The following DCHS2 variants were observed in gnomAD, a reference collection of about 807,000 sequenced individuals.
DCHS2 encodes dachsous cadherin-related 2, also known as protocadherin-23.
DCHS2 carries 142 observed loss-of-function variants against 182.4 expected under a neutral mutation model. The observed-to-expected ratio is 0.78, with a 90% CI of 0.68 to 0.89. The LOEUF (loss-of-function observed/expected upper bound fraction) is 0.89, where lower values mean the gene tolerates loss of function less well. DCHS2 is among the 40% of genes least tolerant of loss of function. DCHS2 has a pLI of 0.00. For synonymous variants in DCHS2, 1,740 were observed against 1,663.3 expected, an observed-to-expected ratio of 1.05 and a Z score of -1.12; for missense variants, 4,319 against 4,198.6, an observed-to-expected ratio of 1.03 and a Z score of -0.79.
Position 154,461,142 on chromosome 4 carries a change from C to T in DCHS2, c.2052+28162G>A, listed in dbSNP as rs1734993935. 2.0e-5 allele frequency among the ~76,000 whole-genome samples: 3 copies of T among 152,164 alleles called. No homozygotes were observed. The South Asian group carries it at 6.2e-4, about 31-fold the overall frequency. ...GGACTCAGGCACAGCCCTTTCCAAT[C>T]CTAGGCCCTGACCCATACTAAGCAA... On this transcript the variant is annotated intron_variant, in intron 1 of 19. Coordinates refer to ENST00000357232, the MANE Select transcript of DCHS2 (RefSeq NM_001358235.2).
At chr4:154,285,908 C>A (rs1734373491) in intron 13 of DCHS2, among the ~76,000 whole-genome samples, 1 of 152,094 alleles carries the variant, frequency 6.6e-6, no homozygotes, top group South Asian at 2.1e-4. Flanking sequence ...TACTATAGGC[C>A]TTCAAGGGGA....
chr4:154,397,981 A>C (rs540363039), intron 1 of DCHS2, among the ~76,000 whole-genome samples: 1 of 152,232 alleles, frequency 6.6e-6, no homozygotes, highest in African/African-American at 2.4e-5. Context: ...GTTTGAAGGC[A>C]TAAAAAGAAA....
At chr4:154,284,050 G>A (rs907818806) in intron 13 of DCHS2, among the ~76,000 whole-genome samples, 1 of 152,076 alleles carries the variant, frequency 6.6e-6, no homozygotes, top group African/African-American at 2.4e-5. Flanking sequence ...AAAAAACAAG[G>A]TAAATGTATC....
chr4:154,356,614 C>T (rs1216832915), intron 3 of DCHS2, among the ~76,000 whole-genome samples: 1 of 152,158 alleles, frequency 6.6e-6, no homozygotes, highest in African/African-American at 2.4e-5. Flanking sequence ...TTTTACTCTA[C>T]CTTTACTATG....
intron 9 of DCHS2, among the ~76,000 whole-genome samples, chr4:154,316,738 C>A (rs76030199): frequency 6.6e-6 from 1 of 152,080 alleles, no homozygotes. Context: ...GAGCTGAGAT[C>A]GTGCCACTGC....
intron 15 of DCHS2, 111 bp downstream of exon 15, chr4:154,259,434 G>C (rs1732859584): frequency 1.3e-6 from 2 of 1,502,754 alleles, no homozygotes; most frequent in Admixed American, 4.0e-5. Context: ...TTGTACTACA[G>C]GGATTAGAAA....
intron 1 of DCHS2, among the ~76,000 whole-genome samples, chr4:154,478,217 A>G (rs1441934882): frequency 6.6e-6 from 1 of 152,208 alleles, no homozygotes; most frequent in East Asian, 1.9e-4. Context: ...TTTATTTTCA[A>G]AGGACTCTTA....
Position 154,234,497 on chromosome 4 carries a change from A to G in DCHS2, c.*39T>C. The G allele has an allele frequency of 6.5e-7, 1 of 1,531,072 alleles. No individual in the cohort carries two copies. Among genetic ancestry groups the G allele is most frequent in the Non-Finnish European group, 8.8e-7 (1 of 1,139,328 alleles). 94.8% of individuals were successfully genotyped at this position (1,531,072 alleles called of 1,614,324 possible). On this transcript the variant is annotated 3_prime_UTR_variant, in exon 20 of 20. Transcript: ENST00000357232. ...TTGAAAACATTTTGTTCATTCATTC[A>G]TGACCAATGGTGAGCAGGTACTTGG...
Position 154,491,023 on chromosome 4 carries a change from C to T in DCHS2, c.333G>A (p.Pro111=). ...GGTGCACGTGGAAGTCGTCCAGCAG[C>T]GGGGAGTCATCGGAGTCCTCCGACA... The part of the protein sequence containing the change: ...FFLSEDSDDS[P]LLDDFHVHPD... Residue 111 remains proline, a synonymous_variant, in exon 1 of 20, where the codon CCG becomes CCA. Transcript: ENST00000357232. The T allele has an allele frequency of 1.3e-6, 2 of 1,550,986 alleles. No homozygotes were observed. The highest frequency in any genetic ancestry group is 1.7e-6 in the Non-Finnish European group (2 of 1,146,740).
intron 1 of DCHS2, among the ~76,000 whole-genome samples, chr4:154,461,895 T>C (rs1294129774): frequency 6.6e-6 from 1 of 152,202 alleles, no homozygotes; most frequent in South Asian, 2.1e-4. Flanking sequence ...CCCATACTTA[T>C]TCACTTTCCA....
chr4:154,251,598 A>AAT (rs1732362544), intron 16 of DCHS2, among the ~76,000 whole-genome samples: 2 of 152,154 alleles, frequency 1.3e-5, no homozygotes, highest in Non-Finnish European at 2.9e-5. Flanking sequence ...AGCTCACTGC[A>AAT]ATCTCCACCT....
chr4:154,278,776 G>A (rs756204359), intron 13 of DCHS2, among the ~76,000 whole-genome samples: 1 of 151,980 alleles, frequency 6.6e-6, no homozygotes, highest in Non-Finnish European at 1.5e-5. Flanking sequence ...AGAATACCAC[G>A]TCTTCCAAAA....
chr4:154,312,410 G>A (rs1561033199), intron 10 of DCHS2, among the ~76,000 whole-genome samples: 1 of 152,180 alleles, frequency 6.6e-6, no homozygotes, highest in Non-Finnish European at 1.5e-5. Flanking sequence ...GAGACCCAGC[G>A]CTGTGACTCA....
chr4:154,414,983 A>G (rs978584028), intron 1 of DCHS2, among the ~76,000 whole-genome samples: 4 of 152,200 alleles, frequency 2.6e-5, no homozygotes, highest in Non-Finnish European at 5.9e-5. Flanking sequence ...CCGCGGCTAC[A>G]GCTCCCAGAT....
chr4:154,314,706 A>G (rs1166340942), intron 10 of DCHS2, among the ~76,000 whole-genome samples: 2 of 152,170 alleles, frequency 1.3e-5, no homozygotes, highest in Non-Finnish European at 2.9e-5. Context: ...ATCTATTACA[A>G]TTCTTGCAAA....
intron 13 of DCHS2, among the ~76,000 whole-genome samples, chr4:154,282,987 C>G (rs1734219340): frequency 6.6e-6 from 1 of 151,910 alleles, no homozygotes; most frequent in Admixed American, 6.6e-5. Flanking sequence ...CTCTTAGAAA[C>G]AGAAAGTAGA....
intron 1 of DCHS2, among the ~76,000 whole-genome samples, chr4:154,402,379 T>C (rs1283320413): frequency 6.6e-6 from 1 of 152,162 alleles, no homozygotes; most frequent in Non-Finnish European, 1.5e-5. Context: ...CCATATAGAT[T>C]TTAGAATCAA....
Position 154,333,025 on chromosome 4 carries a change from A to T in DCHS2, c.3183T>A (p.His1061Gln), listed in dbSNP as rs767417856. Residue 1061 changes from histidine to glutamine, a missense_variant, in exon 5 of 20, where the codon CAT becomes CAA. His to Gln is a conservative substitution (Grantham distance 24). Coordinates refer to ENST00000357232, the MANE Select transcript of DCHS2 (RefSeq NM_001358235.2). ...LTLRAEDQGVHPQAALLVLTV... is the reference protein window; with the variant it reads ...LTLRAEDQGVQPQAALLVLTV... ...TCAGCACCAGCAGGGCTGCCTGAGG[A>T]TGCACGCCTTGGTCCTCGGCCCTGA... 301 of 1,613,978 alleles carry T rather than the reference A, an allele frequency of 1.9e-4. No individual in the cohort carries two copies. The highest frequency in any genetic ancestry group is 2.4e-4 in the Non-Finnish European group (282 of 1,179,984).
chr4:154,265,176 A>C (rs1425618582), intron 14 of DCHS2, among the ~76,000 whole-genome samples: 1 of 152,216 alleles, frequency 6.6e-6, no homozygotes, highest in Non-Finnish European at 1.5e-5. Flanking sequence ...AAAGACAAAA[A>C]TCAGTTTCAA....
Sources: allele counts gnomAD v4.1 joint callset (sites outside exome capture counted in the v4.1 genomes callset), GRCh38; gene constraint gnomAD v4.1.1; transcripts MANE v1.5; gene names NCBI Gene and HGNC (gene_info 2026-07-23, HGNC 2026-07-21).